The following ROBO1 variants were observed in gnomAD, a reference collection of about 807,000 sequenced individuals.
ROBO1 encodes roundabout homolog 1.
ROBO1 carries 149 observed loss-of-function variants against 195.9 expected under a neutral mutation model. That is an observed-to-expected ratio of 0.76 (90% CI 0.67 to 0.87). The LOEUF (loss-of-function observed/expected upper bound fraction) is 0.87, where lower values mean the gene tolerates loss of function less well. Among genes scored for constraint, ROBO1 ranks in the 40% least tolerant of loss-of-function variants. The probability of loss-of-function intolerance (pLI) is 0.00; values close to 1 mark genes in which losing one functional copy is unlikely to be tolerated. For missense variants in ROBO1, 1,933 were observed against 2,068.3 expected (o/e 0.93, Z 1.27); for synonymous variants, 816 against 733.2 (o/e 1.11, Z -1.82).
chr3:78,934,901 A>G (rs755718521), intron 4 of ROBO1, among the ~76,000 whole-genome samples: 15 of 152,128 alleles, frequency 9.9e-5, no homozygotes, highest in East Asian at 9.6e-4. Context: ...TAATCCTTCC[A>G]TCTTCCACGG....
At chr3:79,156,011 T>C (rs1248278215) in intron 2 of ROBO1, among the ~76,000 whole-genome samples, 1 of 151,714 alleles carries the variant, frequency 6.6e-6, no homozygotes, top group South Asian at 2.1e-4. Context: ...CTCTGCAAAA[T>C]CTGAAAGGTT....
At position 79,398,924 on chromosome 3, in the gene ROBO1, T is replaced by C. The variant is rs115882168; in HGVS notation, c.88+190900A>G. 1.0e-3 allele frequency among the ~76,000 whole-genome samples: 154 copies of C among 148,936 alleles called. 1 individual carries two copies. Among genetic ancestry groups the C allele is most frequent in the African/African-American group, 3.6e-3 (148 of 40,708 alleles). On this transcript the variant is annotated intron_variant, in intron 2 of 30. Coordinates refer to ENST00000464233, the MANE Select transcript of ROBO1 (RefSeq NM_002941.4). ...CTGTGCTTTATACATAAAAAGTATG[T>C]TTTTTTTTTCACCCCACATGATCAA...
chr3:79,157,917 G>A (rs1487306058), intron 2 of ROBO1, among the ~76,000 whole-genome samples: 8 of 151,664 alleles, frequency 5.3e-5, no homozygotes, highest in South Asian at 4.2e-4. Flanking sequence ...ATCAGCCCAC[G>A]CATTTTCTTT....
At chr3:79,039,426 T>C (rs1161107312) in intron 3 of ROBO1, among the ~76,000 whole-genome samples, 5 of 152,122 alleles carry the variant, frequency 3.3e-5, no homozygotes, top group South Asian at 2.1e-4. Flanking sequence ...TTAGGGAGTA[T>C]TGTACTGCCT....
chr3:78,747,321 T>C (rs2082681714), intron 4 of ROBO1, among the ~76,000 whole-genome samples: 1 of 152,124 alleles, frequency 6.6e-6, no homozygotes, highest in African/African-American at 2.4e-5. Context: ...CATGCAAAGC[T>C]AAATATTAAA....
chr3:78,948,856 A>G (rs994502148), intron 3 of ROBO1, among the ~76,000 whole-genome samples: 1 of 152,216 alleles, frequency 6.6e-6, no homozygotes, highest in African/African-American at 2.4e-5. Flanking sequence ...AAGCATTCTT[A>G]TACGCCAATA....
At chr3:79,097,399 G>A (rs1031971851) in intron 3 of ROBO1, among the ~76,000 whole-genome samples, 9 of 151,724 alleles carry the variant, frequency 5.9e-5, no homozygotes, top group Non-Finnish European at 1.3e-4. Flanking sequence ...GTTTTTCAAT[G>A]AAAGGTGGAA....
At chr3:78,753,333 C>A (rs2082844543) in intron 4 of ROBO1, among the ~76,000 whole-genome samples, 1 of 152,110 alleles carries the variant, frequency 6.6e-6, no homozygotes, top group Non-Finnish European at 1.5e-5. Flanking sequence ...GCTTAAACCA[C>A]ATTCACATTT....
chr3:79,140,946 A>G (rs1201511236), intron 2 of ROBO1, among the ~76,000 whole-genome samples: 1 of 152,172 alleles, frequency 6.6e-6, no homozygotes, highest in Non-Finnish European at 1.5e-5. Flanking sequence ...TAGTTGCCTA[A>G]TTGCCTGGTT....
intron 1 of ROBO1, among the ~76,000 whole-genome samples, chr3:79,755,684 G>A (rs984088831): frequency 6.6e-6 from 1 of 152,162 alleles, no homozygotes; most frequent in East Asian, 1.9e-4. Context: ...ACAAGAGGAT[G>A]TGACTGTGGC....
chr3:78,855,544 T>C (rs948026601), intron 4 of ROBO1, among the ~76,000 whole-genome samples: 1 of 152,208 alleles, frequency 6.6e-6, no homozygotes, highest in African/African-American at 2.4e-5. Context: ...ATTAACATTT[T>C]ATATCATAAG....
At chr3:78,946,625 A>C (rs2040461151) in intron 3 of ROBO1, among the ~76,000 whole-genome samples, 2 of 152,226 alleles carry the variant, frequency 1.3e-5, no homozygotes, top group Non-Finnish European at 2.9e-5. Flanking sequence ...TAATGAGCAA[A>C]ATAACCAGCT....
intron 2 of ROBO1, among the ~76,000 whole-genome samples, chr3:79,361,319 T>G (rs2035760700): frequency 6.6e-6 from 1 of 152,060 alleles, no homozygotes; most frequent in African/African-American, 2.4e-5. Flanking sequence ...GAGGTCAGAT[T>G]GAATCAAAAA....
At chr3:79,150,709 G>C (rs1292432561) in intron 2 of ROBO1, among the ~76,000 whole-genome samples, 2 of 151,740 alleles carry the variant, frequency 1.3e-5, no homozygotes, top group Non-Finnish European at 2.9e-5. Flanking sequence ...ATTTCAGAAA[G>C]AGCTACAGGT....
At chr3:79,226,371 G>A (rs1216833226) in intron 2 of ROBO1, among the ~76,000 whole-genome samples, 19 of 152,088 alleles carry the variant, frequency 1.2e-4, no homozygotes, top group Admixed American at 1.2e-3. Flanking sequence ...TCATTTGACA[G>A]AGAAATCCTC....
At chr3:78,975,524 G>A (rs1231954701) in intron 3 of ROBO1, among the ~76,000 whole-genome samples, 3 of 152,064 alleles carry the variant, frequency 2.0e-5, no homozygotes, top group African/African-American at 7.2e-5. Context: ...AAACCTGGGT[G>A]ACCAGTTTCT....
chr3:79,529,657 A>C (rs1357582468), intron 2 of ROBO1, among the ~76,000 whole-genome samples: 1 of 152,204 alleles, frequency 6.6e-6, no homozygotes, highest in Admixed American at 6.5e-5. Flanking sequence ...GTGTACACAC[A>C]CTGGAATAAG....
At chr3:78,676,791 C>A (rs186627733) in intron 10 of ROBO1, among the ~76,000 whole-genome samples, 241 of 152,256 alleles carry the variant, frequency 1.6e-3, no homozygotes, top group Middle Eastern at 0.014. Flanking sequence ...TCTGGCATGG[C>A]AGGCCAACAT....
intron 2 of ROBO1, among the ~76,000 whole-genome samples, chr3:79,140,898 A>T (rs1202095428): frequency 6.6e-6 from 1 of 152,236 alleles, no homozygotes; most frequent in African/African-American, 2.4e-5. Context: ...CATAGACAGC[A>T]TGTCATCCTT....
Sources: allele counts gnomAD v4.1 joint callset (sites outside exome capture counted in the v4.1 genomes callset), GRCh38; gene constraint gnomAD v4.1.1; transcripts MANE v1.5; gene names NCBI Gene and HGNC (gene_info 2026-07-23, HGNC 2026-07-21).